SBNO2: variants seen among roughly 807,000 people sequenced by gnomAD.
The protein encoded by SBNO2 is protein strawberry notch homolog 2.
Under a neutral mutation model 146.3 loss-of-function variants are expected in SBNO2, and 89 were observed. The observed-to-expected ratio is 0.61, with a 90% confidence interval of 0.51 to 0.73. The LOEUF (loss-of-function observed/expected upper bound fraction) is 0.73, where lower values mean the gene tolerates loss of function less well. SBNO2 is among the 30% of genes least tolerant of loss of function. The pLI is 0.00. For missense variants in SBNO2, 2,092 were observed against 2,003.7 expected (o/e 1.04, Z -0.84); for synonymous variants, 1,147 against 892.6 (o/e 1.29, Z -5.08).
intron 11 of SBNO2, among the ~76,000 whole-genome samples, chr19:1,120,529 C>A (rs1223567035): frequency 1.3e-5 from 2 of 152,016 alleles, no homozygotes; most frequent in East Asian, 3.9e-4. Context: ...ACCACCACAA[C>A]CGGCTAATTT....
chr19:1,113,583 G>C lies in SBNO2; in HGVS notation c.2199C>G (p.Thr733=). Residue 733 remains threonine (T), a synonymous_variant, in exon 19 of 32, where the codon ACC becomes ACG. Coordinates refer to ENST00000361757, the MANE Select transcript of SBNO2 (RefSeq NM_014963.3). Reference sequence around the variant, plus strand: ...CCAGCTGGTCGATGAGCTCGTCCAGGGTGTTGACTGGCAGTTCCCGGCCCA... The same window carrying C: ...CCAGCTGGTCGATGAGCTCGTCCAGCGTGTTGACTGGCAGTTCCCGGCCCA... The part of the protein sequence containing the change: ...RRLGRELPVN[T]LDELIDQLGG... 6.3e-7 allele frequency: 1 copy of C among 1,599,978 alleles called. No individual in the cohort carries two copies.
chr19:1,111,971 C>A, intron 23 of SBNO2, 25 bp downstream of exon 23: 1 of 1,606,468 alleles, frequency 6.2e-7, no homozygotes. Flanking sequence ...TGCCCCGCCC[C>A]CCAACCCTGC....
At chr19:1,132,068 C>G (rs1432174396) in intron 4 of SBNO2, 1 of 1,511,802 alleles carries the variant, frequency 6.6e-7, no homozygotes, top group Non-Finnish European at 8.8e-7. Flanking sequence ...GGGCCTCGCC[C>G]GCCCCGGGAA....
chr19:1,122,425 C>A, intron 10 of SBNO2, 43 bp downstream of exon 10: 1 of 1,536,608 alleles, frequency 6.5e-7, no homozygotes. Context: ...TTGCAGGGCA[C>A]GGTCCCCACC....
intron 3 of SBNO2, 39 bp downstream of exon 3, chr19:1,149,330 C>T: frequency 7.8e-6 from 12 of 1,529,922 alleles, no homozygotes; most frequent in Non-Finnish European, 1.1e-5. Context: ...TCAGAATGAG[C>T]AAGCCTGGGG....
In SBNO2 at chr19:1,153,454, G is replaced by T. The variant is rs187085038; in HGVS notation, c.93+730C>A. Among the ~76,000 whole-genome samples the T allele has an allele frequency of 1.8e-4, 28 of 151,614 alleles. 1 individual carries two copies. The highest frequency in any genetic ancestry group is 7.9e-4 in the Admixed American group (12 of 15,214). ...GGGTTTCACCATGTTGGCCAGGCTG[G>T]TCTCAAACTCCTGACCTCAAGTGAT... On this transcript the variant is annotated intron_variant, in intron 2 of 31. Coordinates refer to ENST00000361757, the MANE Select transcript of SBNO2 (RefSeq NM_014963.3).
intron 1 of SBNO2, among the ~76,000 whole-genome samples, chr19:1,167,200 C>T (rs549642773): frequency 5.2e-5 from 8 of 152,386 alleles, no homozygotes; most frequent in Non-Finnish European, 7.3e-5. Flanking sequence ...CGCTGCTCCA[C>T]GCCTGGAGGA....
Position 1,157,953 on chromosome 19 carries a change from G to A in SBNO2, c.-126-3551C>T, listed in dbSNP as rs556415755. ...CTCTCCTGAGTCCGGATAACTGTCC[G>A]CCTCCCAGCTCTCTCCTGAGTCCGG... is the stretch of plus-strand genomic sequence containing the variant. On this transcript the variant is annotated intron_variant, in intron 1 of 31. Transcript: ENST00000361757. The surrounding 1 kb of genome is among the most constrained non-coding windows in gnomAD (Gnocchi z 6.8). Among the ~76,000 whole-genome samples the A allele has an allele frequency of 2.7e-5, 4 of 149,952 alleles. No individual in the cohort carries two copies. The highest frequency in any genetic ancestry group is 4.3e-4 in the South Asian group (2 of 4,682).
intron 23 of SBNO2, 34 bp downstream of exon 23, chr19:1,111,962 G>T: frequency 1.5e-5 from 23 of 1,505,142 alleles, no homozygotes; most frequent in Non-Finnish European, 1.9e-5. Context: ...CCCTGCCCCT[G>T]CCCCGCCCCC....
intron 19 of SBNO2, 49 bp downstream of exon 19, chr19:1,113,486 C>T (rs879459461): frequency 6.8e-7 from 1 of 1,474,434 alleles, no homozygotes; most frequent in East Asian, 2.5e-5. Context: ...AAGCCCCACC[C>T]ACTGCCCATG....
chr19:1,132,507 C>T (rs2080042800), intron 4 of SBNO2, among the ~76,000 whole-genome samples: 1 of 152,226 alleles, frequency 6.6e-6, no homozygotes, highest in Non-Finnish European at 1.5e-5. Flanking sequence ...GCATGGGCCT[C>T]GGTCTCCCCA....
At chr19:1,139,305 G>C (rs536111670) in intron 4 of SBNO2, among the ~76,000 whole-genome samples, 1 of 152,322 alleles carries the variant, frequency 6.6e-6, no homozygotes, top group African/African-American at 2.4e-5. Flanking sequence ...CACAGAGACG[G>C]GAAGGGGATG....
intron 1 of SBNO2, among the ~76,000 whole-genome samples, chr19:1,164,624 CAGGAGG>C (rs1273769394): frequency 4.2e-3 from 17 of 4,080 alleles, no homozygotes; most frequent in African/African-American, 8.4e-3. Flanking sequence ...GGAGGAGGAA[CAGGAGG>C]AGGAGGAGGA....
intron 1 of SBNO2, among the ~76,000 whole-genome samples, chr19:1,164,524 C>G (rs1313264423): frequency 3.2e-3 from 70 of 21,844 alleles, no homozygotes; most frequent in African/African-American, 4.3e-3. Flanking sequence ...GGAGGAGGAA[C>G]AGGAGGAGGA....
In SBNO2 at chr19:1,158,147, C is replaced by A. The variant is rs933983771; in HGVS notation, c.-126-3745G>T. On this transcript the variant is annotated intron_variant, in intron 1 of 31. Coordinates refer to ENST00000361757, the MANE Select transcript of SBNO2 (RefSeq NM_014963.3). This position sits in a 1 kb window ranked among gnomAD's most constrained non-coding sequence, Gnocchi z 9.9. ...CCCCAGGGTCTCACCCCACGCTGTG[C>A]AGCAACAGCTCAGCCTCCTGATGTT... is the stretch of plus-strand genomic sequence containing the variant. Among the ~76,000 whole-genome samples, 1 of 152,236 alleles carries A rather than the reference C, an allele frequency of 6.6e-6. No individual in the cohort carries two copies. The highest frequency in any genetic ancestry group is 1.9e-4 in the East Asian group (1 of 5,200).
intron 16 of SBNO2, 99 bp from the exon 17 acceptor site, chr19:1,116,202 C>CCTGT: frequency 9.0e-7 from 1 of 1,116,928 alleles, no homozygotes; most frequent in Non-Finnish European, 1.3e-6. Context: ...CTGTGGGGGT[C>CCTGT]CCGGACAGGA....
At chr19:1,143,096 G>A (rs2080155994) in intron 4 of SBNO2, among the ~76,000 whole-genome samples, 1 of 152,210 alleles carries the variant, frequency 6.6e-6, no homozygotes, top group African/African-American at 2.4e-5. Context: ...AACATTTGCA[G>A]GGAATGCACA....
In SBNO2 at chr19:1,150,416, G is replaced by A. The variant is rs1419780766; in HGVS notation, c.94-974C>T. On this transcript the variant is annotated intron_variant, in intron 2 of 31. Coordinates refer to ENST00000361757, the MANE Select transcript of SBNO2 (RefSeq NM_014963.3). This position sits in a 1 kb window ranked among gnomAD's most constrained non-coding sequence, Gnocchi z 6.2. ...CACCTGCACAGGGCCAACCTCACCT[G>A]CAGCAGAGAGACCCTGCCGTCACAG... 6.6e-6 allele frequency among the ~76,000 whole-genome samples: 1 copy of A among 151,940 alleles called. No homozygotes were observed. The highest frequency in any genetic ancestry group is 2.4e-5 in the African/African-American group (1 of 41,296).
chr19:1,148,075 C>T (rs1221263549), intron 3 of SBNO2, among the ~76,000 whole-genome samples: 3 of 152,042 alleles, frequency 2.0e-5, no homozygotes, highest in African/African-American at 7.3e-5. Flanking sequence ...TGGCCGCCGT[C>T]CCCAGGGCCT....
Sources: allele counts gnomAD v4.1 joint callset (sites outside exome capture counted in the v4.1 genomes callset), GRCh38; gene constraint gnomAD v4.1.1; non-coding constraint Gnocchi (gnomAD v3.1); transcripts MANE v1.5; gene names NCBI Gene and HGNC (gene_info 2026-07-23, HGNC 2026-07-21).